Variants in PLXDC2 observed in about 807,000 individuals in gnomAD.
PLXDC2 encodes plexin domain-containing protein 2.
Under a neutral mutation model 68.9 loss-of-function variants are expected in PLXDC2, and 40 were observed. The ratio of observed to expected loss-of-function variants is 0.58; its 90% CI spans 0.45 to 0.76. The LOEUF is 0.76. Among genes scored for constraint, PLXDC2 ranks in the 30% least tolerant of loss-of-function variants. The probability of loss-of-function intolerance (pLI) is 0.00; values close to 1 mark genes in which losing one functional copy is unlikely to be tolerated. For missense variants in PLXDC2, 644 were observed against 661.9 expected (o/e 0.97, Z 0.30); for synonymous variants, 243 against 234.2 (o/e 1.04, Z -0.34).
intron 4 of PLXDC2, among the ~76,000 whole-genome samples, chr10:20,098,410 T>G (rs1031996520): frequency 2.0e-5 from 3 of 150,530 alleles, no homozygotes; most frequent in Non-Finnish European, 4.4e-5. Flanking sequence ...CATCTCCCAG[T>G]ACCTCCCTCT....
intron 4 of PLXDC2, among the ~76,000 whole-genome samples, chr10:20,141,264 A>T (rs1834003574): frequency 6.9e-6 from 1 of 145,318 alleles, no homozygotes. Flanking sequence ...AGAAACATTG[A>T]GGGGAAAGTA....
chr10:20,040,078 C>T (rs149922449), intron 2 of PLXDC2, among the ~76,000 whole-genome samples: 1 of 152,098 alleles, frequency 6.6e-6, no homozygotes, highest in East Asian at 1.9e-4. Context: ...TGCCTCAGTG[C>T]GCCCCTTCCT....
rs1214983469 is a variant in PLXDC2, at chr10:20,284,405, T to TTGTGTGTGTGTG, written c.*4587_*4588insGTGTGTGTGTGT. On this transcript the variant is annotated 3_prime_UTR_variant, in exon 14 of 14. Coordinates refer to ENST00000377252, the MANE Select transcript of PLXDC2 (RefSeq NM_032812.9). Reference sequence around the variant, plus strand: ...GTATATTTGATAGAGATGATAGCAATTATGTGTGTGTGTGTGTGTGTGTGT... The same window carrying TTGTGTGTGTGTG: ...GTATATTTGATAGAGATGATAGCAATTGTGTGTGTGTGTATGTGTGTGTGTGTGTGTGTGTGT... 4 of 91,526 alleles carry TTGTGTGTGTGTG rather than the reference T, an allele frequency of 4.4e-5. No homozygotes were observed. Among genetic ancestry groups the TTGTGTGTGTGTG allele is most frequent in the Non-Finnish European group, 8.4e-5 (4 of 47,820 alleles). The allele number at this position is 91,526 out of a possible 1,614,324, so 5.7% of individuals were successfully genotyped here.
chr10:20,228,592 CAGGA>C lies in PLXDC2; in HGVS notation c.1312+9507_1312+9510del, dbSNP rs35952817. On this transcript the variant is annotated intron_variant, in intron 12 of 13. Transcript: ENST00000377252. Reference sequence around the variant, plus strand: ...AAAAATAAGAAAAAAGGCAGGAAGGCAGGAAGGAAGGAAGGAAGGAGGAAAGAAG... The same window carrying C: ...AAAAATAAGAAAAAAGGCAGGAAGGCAGGAAGGAAGGAAGGAGGAAAGAAG... 1.7e-3 allele frequency among the ~76,000 whole-genome samples: 238 copies of C among 139,784 alleles called. 1 individual carries two copies. The highest frequency in any genetic ancestry group is 3.0e-3 in the Admixed American group (40 of 13,368). The allele number at this position is 139,784 out of a possible 152,430, so 91.7% of individuals were successfully genotyped here. A position where few individuals can be genotyped will look rare whatever the true frequency, so the allele number is the denominator to read the frequency against.
intron 4 of PLXDC2, among the ~76,000 whole-genome samples, chr10:20,092,028 C>T (rs931870566): frequency 6.6e-6 from 1 of 151,694 alleles, no homozygotes. Flanking sequence ...TAATCCCAAC[C>T]TTAGACAAAT....
At chr10:19,854,138 A>G (rs966941618) in intron 1 of PLXDC2, among the ~76,000 whole-genome samples, 3 of 152,160 alleles carry the variant, frequency 2.0e-5, no homozygotes, top group African/African-American at 7.2e-5. Context: ...GTGCTATCAG[A>G]CTGGCTGGAA....
At chr10:20,223,312 A>ATT (rs58086408) in intron 12 of PLXDC2, among the ~76,000 whole-genome samples, 89,250 of 130,758 alleles carry the variant, frequency 0.68, 31,417 homozygotes, top group Non-Finnish European at 0.8. Flanking sequence ...ACAGAATTGA[A>ATT]TTTTTTTTTT....
chr10:20,176,414 G>GTGTGTGTC lies in PLXDC2; in HGVS notation c.884-584_884-583insGTGTGTCT, dbSNP rs1179247684. Among the ~76,000 whole-genome samples, 37 of 151,732 alleles carry GTGTGTGTC rather than the reference G, an allele frequency of 2.4e-4. 1 individual carries two copies. The highest frequency in any genetic ancestry group is 8.8e-5 in the Non-Finnish European group (6 of 67,932). The stretch of plus-strand genomic sequence containing the variant: ...TATGTGTGTGTGTGTGTGTGTGTGT[G>GTGTGTGTC]TCTGTCGTGAGAACACTTAAAAATC... On this transcript the variant is annotated intron_variant, in intron 7 of 13. Transcript: ENST00000377252.
intron 1 of PLXDC2, among the ~76,000 whole-genome samples, chr10:19,901,735 T>A (rs549462024): frequency 6.6e-6 from 1 of 152,286 alleles, no homozygotes; most frequent in African/African-American, 2.4e-5. Context: ...GAGTTCTTGG[T>A]CGTGAAGTCT....
chr10:20,193,796 T>C (rs1217057127), intron 9 of PLXDC2, among the ~76,000 whole-genome samples: 2 of 152,120 alleles, frequency 1.3e-5, no homozygotes, highest in Non-Finnish European at 2.9e-5. Context: ...TTCGTTTTTT[T>C]GTGCTGTCTT....
intron 4 of PLXDC2, among the ~76,000 whole-genome samples, chr10:20,132,953 G>A (rs993202845): frequency 1.3e-4 from 19 of 151,300 alleles, no homozygotes; most frequent in South Asian, 2.1e-4. Context: ...ATTTTTTGTC[G>A]TGATTTGCTT....
chr10:19,848,630 T>C (rs934225465), intron 1 of PLXDC2, among the ~76,000 whole-genome samples: 1 of 152,206 alleles, frequency 6.6e-6, no homozygotes, highest in African/African-American at 2.4e-5. Context: ...ATAACTGTTG[T>C]CATTGTTGTT....
At chr10:19,961,445 G>C (rs1834152697) in intron 1 of PLXDC2, among the ~76,000 whole-genome samples, 1 of 152,194 alleles carries the variant, frequency 6.6e-6, no homozygotes, top group Non-Finnish European at 1.5e-5. Context: ...TCACATTAAA[G>C]AAAGCTTGTA....
intron 4 of PLXDC2, among the ~76,000 whole-genome samples, chr10:20,075,982 A>G (rs752187380): frequency 7.2e-5 from 11 of 152,206 alleles, no homozygotes; most frequent in Admixed American, 1.3e-4. Flanking sequence ...TTTATTGGAA[A>G]CACTGGCAAT....
chr10:20,027,932 T>G (rs1284884963), intron 2 of PLXDC2, among the ~76,000 whole-genome samples: 1 of 151,986 alleles, frequency 6.6e-6, no homozygotes, highest in African/African-American at 2.4e-5. Context: ...AAAACAGACT[T>G]AGGACTATTT....
chr10:19,972,583 C>T (rs1456272245), intron 1 of PLXDC2, among the ~76,000 whole-genome samples: 2 of 152,028 alleles, frequency 1.3e-5, no homozygotes, highest in African/African-American at 4.8e-5. Context: ...ACACACATCT[C>T]CCACGATAAA....
chr10:20,231,616 A>C (rs1835365222), intron 12 of PLXDC2, among the ~76,000 whole-genome samples: 1 of 151,996 alleles, frequency 6.6e-6, no homozygotes, highest in Non-Finnish European at 1.5e-5. Context: ...GAAAACAGAC[A>C]AATAACAGAG....
At chr10:20,220,331 G>T (rs531184506) in intron 12 of PLXDC2, among the ~76,000 whole-genome samples, 4 of 152,122 alleles carry the variant, frequency 2.6e-5, no homozygotes, top group African/African-American at 9.7e-5. Context: ...CTATGTTGGG[G>T]TTACCTCATT....
intron 4 of PLXDC2, among the ~76,000 whole-genome samples, chr10:20,113,777 T>G (rs972932078): frequency 6.6e-6 from 1 of 152,200 alleles, no homozygotes; most frequent in Non-Finnish European, 1.5e-5. Flanking sequence ...TCCTCCATTC[T>G]TCTTTGGAAG....
Sources: gnomAD v4.1 joint callset for allele counts (sites outside exome capture counted in the v4.1 genomes callset) on GRCh38, gnomAD v4.1.1 for gene constraint, MANE v1.5 for transcripts, NCBI Gene and HGNC (gene_info 2026-07-23, HGNC 2026-07-21) for gene names.